The following NCOA2 variants were observed in gnomAD, a reference collection of about 807,000 sequenced individuals.
NCOA2 encodes the protein class E basic helix-loop-helix protein 75.
Under a neutral mutation model 145.1 loss-of-function variants are expected in NCOA2, and 21 were observed. The observed-to-expected ratio is 0.14, with a 90% CI of 0.10 to 0.21. The LOEUF (loss-of-function observed/expected upper bound fraction) is 0.21, where lower values mean the gene tolerates loss of function less well. Among genes scored for constraint, NCOA2 ranks in the 10% least tolerant of loss-of-function variants. The pLI, the probability that NCOA2 is intolerant of heterozygous loss-of-function variation, is 1.00. For synonymous variants in NCOA2, 619 were observed against 637.5 expected (o/e 0.97, Z 0.44); for missense variants, 1,472 against 1,837.6 (o/e 0.80, Z 3.64).
At chr8:70,401,029 A>G (rs973476961) in intron 1 of NCOA2, among the ~76,000 whole-genome samples, 2 of 152,192 alleles carry the variant, frequency 1.3e-5, no homozygotes, top group African/African-American at 2.4e-5. Flanking sequence ...TACAAATTCC[A>G]GGTGAGAAAG....
At chr8:70,424,386 G>C in the NCOA2 span, 18 of 394,206 alleles carry the variant, frequency 4.6e-5, no homozygotes, top group Non-Finnish European at 8.1e-5. Context: ...GCAATCATAT[G>C]TTCCACCTCA....
At chr8:70,233,536 C>T (rs956216677) in intron 2 of NCOA2, among the ~76,000 whole-genome samples, 1 of 152,190 alleles carries the variant, frequency 6.6e-6, no homozygotes, top group Non-Finnish European at 1.5e-5. Context: ...TGTATCTCTT[C>T]CCATATTACC....
chr8:70,369,295 CA>C (rs1157176941), intron 1 of NCOA2, among the ~76,000 whole-genome samples: 3 of 152,168 alleles, frequency 2.0e-5, no homozygotes, highest in African/African-American at 7.2e-5. Flanking sequence ...GGCTGTAGTA[CA>C]ATTGGTTCTT....
chr8:70,203,280 G>GA (rs1193740806), intron 4 of NCOA2, among the ~76,000 whole-genome samples: 1 of 91,250 alleles, frequency 1.1e-5, no homozygotes, highest in East Asian at 2.7e-4. Context: ...AAAGAAAAAA[G>GA]AAAGAGGAAA....
intron 2 of NCOA2, among the ~76,000 whole-genome samples, chr8:70,276,631 C>T (rs188488382): frequency 1.6e-4 from 25 of 152,260 alleles, no homozygotes; most frequent in Non-Finnish European, 1.9e-4. Context: ...ATTCTTCTCT[C>T]GCCTGCTGCC....
chr8:70,354,285 C>T (rs1809489973), intron 1 of NCOA2, among the ~76,000 whole-genome samples: 7 of 152,120 alleles, frequency 4.6e-5, no homozygotes. Flanking sequence ...AATACCAAAT[C>T]ATAAATCTGA....
chr8:70,324,930 G>C (rs907166012), intron 1 of NCOA2, among the ~76,000 whole-genome samples: 2 of 152,086 alleles, frequency 1.3e-5, no homozygotes, highest in Admixed American at 6.5e-5. Flanking sequence ...ATAAAAGAGA[G>C]GAAGAAATAT....
intron 1 of NCOA2, among the ~76,000 whole-genome samples, chr8:70,314,344 A>C (rs1056400284): frequency 6.6e-6 from 1 of 152,102 alleles, no homozygotes; most frequent in Non-Finnish European, 1.5e-5. Context: ...CTATGGACTA[A>C]AATTATATAA....
In NCOA2 at chr8:70,144,517, C is replaced by T. The variant is rs1810803640; in HGVS notation, c.2812+125G>A. 10 of 780,920 alleles carry T rather than the reference C, an allele frequency of 1.3e-5. No homozygotes were observed. The South Asian group carries it at 1.3e-4, about 10-fold the overall frequency. The allele number at this position is 780,920 out of a possible 1,614,324, so 48.4% of individuals were successfully genotyped here. ...ACAGTGAAAATCTGTAGAATTTTCT[C>T]ACTTTCAGATGTTATTTTCTAACAT... On this transcript the variant is annotated intron_variant, in intron 13 of 22. Coordinates refer to ENST00000452400, the MANE Select transcript of NCOA2 (RefSeq NM_006540.4).
chr8:70,419,542 T>C, the NCOA2 span, among the ~76,000 whole-genome samples: 1 of 152,080 alleles, frequency 6.6e-6, no homozygotes, highest in African/African-American at 2.4e-5. Flanking sequence ...TTTGCCCCTT[T>C]TCTTGTCCCT....
intron 2 of NCOA2, among the ~76,000 whole-genome samples, chr8:70,241,654 T>C (rs1447926859): frequency 6.6e-6 from 1 of 152,178 alleles, no homozygotes; most frequent in East Asian, 1.9e-4. Flanking sequence ...ACATAGTAAT[T>C]TAGAGTGTAG....
intron 1 of NCOA2, among the ~76,000 whole-genome samples, chr8:70,397,231 G>A (rs959783702): frequency 4.6e-5 from 7 of 152,124 alleles, no homozygotes; most frequent in African/African-American, 1.4e-4. Flanking sequence ...GGCTGAGGCA[G>A]GCAGGAGGTC....
chr8:70,291,137 G>C (rs894254813), intron 2 of NCOA2, among the ~76,000 whole-genome samples: 3 of 151,590 alleles, frequency 2.0e-5, no homozygotes, highest in African/African-American at 7.3e-5. Flanking sequence ...GAACCCTAAG[G>C]ACCAACAACA....
At chr8:70,431,391 T>C in the NCOA2 span, among the ~76,000 whole-genome samples, 2 of 152,346 alleles carry the variant, frequency 1.3e-5, no homozygotes, top group African/African-American at 4.8e-5. Context: ...TGCCAAAGGA[T>C]AATGCTGTAC....
At chr8:70,378,282 A>G (rs1425038622) in intron 1 of NCOA2, among the ~76,000 whole-genome samples, 1 of 152,162 alleles carries the variant, frequency 6.6e-6, no homozygotes, top group Admixed American at 6.5e-5. Context: ...ATCGCCATAA[A>G]AATAATTTTA....
At chr8:70,420,584 A>G in the NCOA2 span, among the ~76,000 whole-genome samples, 1 of 152,188 alleles carries the variant, frequency 6.6e-6, no homozygotes, top group Non-Finnish European at 1.5e-5. Context: ...GAGTTTAAAG[A>G]GTCCATTTCT....
chr8:70,259,839 T>G (rs1823962986), intron 2 of NCOA2, among the ~76,000 whole-genome samples: 1 of 152,228 alleles, frequency 6.6e-6, no homozygotes, highest in Non-Finnish European at 1.5e-5. Context: ...CTCTCGCACA[T>G]AAAAGTCTTA....
chr8:70,435,409 AGT>A, the NCOA2 span, among the ~76,000 whole-genome samples: 1 of 113,804 alleles, frequency 8.8e-6, no homozygotes, highest in Non-Finnish European at 1.7e-5. Context: ...TGGGCGAAAG[AGT>A]GAGACTCCGT....
intron 1 of NCOA2, among the ~76,000 whole-genome samples, chr8:70,364,666 AAG>A (rs2131099228): frequency 6.6e-6 from 1 of 152,102 alleles, no homozygotes; most frequent in East Asian, 1.9e-4. Flanking sequence ...GCATAAATGG[AAG>A]AGATAAGACT....
Sources: allele counts gnomAD v4.1 joint callset (sites outside exome capture counted in the v4.1 genomes callset), GRCh38; gene constraint gnomAD v4.1.1; transcripts MANE v1.5; gene names NCBI Gene and HGNC (gene_info 2026-07-23, HGNC 2026-07-21).